Variants in PPHLN1 observed in about 807,000 individuals in gnomAD.
The protein encoded by PPHLN1 is periphilin-1.
PPHLN1 carries 29 observed loss-of-function variants against 51.3 expected under a neutral mutation model. That is an observed-to-expected ratio of 0.57 (90% CI 0.42 to 0.77). The LOEUF (loss-of-function observed/expected upper bound fraction) is 0.77, where lower values mean the gene tolerates loss of function less well. Ranked by LOEUF, PPHLN1 falls within the 30% of genes least tolerant of loss-of-function variation. The pLI is 0.00. For synonymous variants in PPHLN1, 147 were observed against 147.8 expected (o/e 0.99, Z 0.04); for missense variants, 436 against 438.4 (o/e 0.99, Z 0.05).
intron 9 of PPHLN1, among the ~76,000 whole-genome samples, chr12:42,434,789 G>T (rs1267258005): frequency 6.6e-6 from 1 of 152,212 alleles, no homozygotes; most frequent in African/African-American, 2.4e-5. Context: ...GGTCTCCCGG[G>T]TTGAAGCAAT....
intron 6 of PPHLN1, among the ~76,000 whole-genome samples, chr12:42,385,334 C>T (rs753474231): frequency 3.3e-5 from 5 of 152,100 alleles, no homozygotes; most frequent in Non-Finnish European, 5.9e-5. Context: ...TTTCTTTATC[C>T]TTTGCTGCTT....
chr12:42,394,957 T>C (rs2078065782), intron 8 of PPHLN1, among the ~76,000 whole-genome samples: 1 of 152,132 alleles, frequency 6.6e-6, no homozygotes, highest in Non-Finnish European at 1.5e-5. Context: ...TTCTTAATAC[T>C]TCATCTCCAA....
At chr12:42,391,969 C>T (rs1009923575) in intron 7 of PPHLN1, among the ~76,000 whole-genome samples, 1 of 152,152 alleles carries the variant, frequency 6.6e-6, no homozygotes, top group African/African-American at 2.4e-5. Context: ...GTAATCTCAG[C>T]ACTTTGGGAG....
intron 4 of PPHLN1, among the ~76,000 whole-genome samples, chr12:42,363,404 T>C (rs892094979): frequency 6.6e-5 from 10 of 151,994 alleles, no homozygotes; most frequent in Non-Finnish European, 1.2e-4. Flanking sequence ...CACACCATCT[T>C]CCACAGGCCT....
chr12:42,387,442 G>C lies in PPHLN1; in HGVS notation c.569-14G>C, dbSNP rs371547714. The C allele has an allele frequency of 6.3e-7, 1 of 1,574,854 alleles. No homozygotes were observed. Among genetic ancestry groups the C allele is most frequent in the Non-Finnish European group, 8.6e-7 (1 of 1,165,568 alleles). The stretch of plus-strand genomic sequence containing the variant: ...AGCTAGAAAAAAAATTACATCTTAT[G>C]TTTTCTTATATAGATAAAGAGAGGC... On this transcript the variant is annotated splice_polypyrimidine_tract_variant and intron_variant, in intron 6 of 9. Transcript: ENST00000358314.
chr12:42,388,643 C>CT (rs1175927480), intron 7 of PPHLN1, among the ~76,000 whole-genome samples: 1 of 152,154 alleles, frequency 6.6e-6, no homozygotes, highest in Non-Finnish European at 1.5e-5. Context: ...TGTCTTATTT[C>CT]TTTTCTCAGT....
chr12:42,444,257 T>C (rs755665810), downstream of PPHLN1: 2 of 151,748 alleles, frequency 1.3e-5, no homozygotes, highest in Admixed American at 6.6e-5. Flanking sequence ...TAAATAATTA[T>C]CAAAAATTGC....
At chr12:42,416,068 C>T (rs2080354929) in intron 9 of PPHLN1, among the ~76,000 whole-genome samples, 1 of 152,048 alleles carries the variant, frequency 6.6e-6, no homozygotes, top group Non-Finnish European at 1.5e-5. Context: ...AGGTGAATGA[C>T]GTGCATGCAA....
intron 9 of PPHLN1, among the ~76,000 whole-genome samples, chr12:42,439,618 A>G (rs775075731): frequency 6.6e-6 from 1 of 152,154 alleles, no homozygotes; most frequent in Non-Finnish European, 1.5e-5. Context: ...AGGTTCAGCT[A>G]TTCTCCTGCC....
intron 9 of PPHLN1, among the ~76,000 whole-genome samples, chr12:42,412,965 G>A (rs1031167815): frequency 1.3e-5 from 2 of 152,132 alleles, no homozygotes; most frequent in African/African-American, 2.4e-5. Flanking sequence ...CTTTTGAGGA[G>A]ATGATTATTA....
At chr12:42,420,388 G>T (rs2080880819) in intron 9 of PPHLN1, among the ~76,000 whole-genome samples, 1 of 151,390 alleles carries the variant, frequency 6.6e-6, no homozygotes, top group Admixed American at 6.6e-5. Flanking sequence ...CTCTTTGTGT[G>T]TGTGTGTTTG....
intron 9 of PPHLN1, among the ~76,000 whole-genome samples, chr12:42,435,454 A>G (rs1256309564): frequency 3.9e-5 from 6 of 152,190 alleles, no homozygotes; most frequent in Admixed American, 3.9e-4. Flanking sequence ...GACTCAAAAG[A>G]TATCTTTTTC....
At chr12:42,432,606 C>T (rs748941749) in intron 9 of PPHLN1, among the ~76,000 whole-genome samples, 3 of 152,242 alleles carry the variant, frequency 2.0e-5, no homozygotes, top group Middle Eastern at 6.8e-3. Context: ...TCCAAGAAAC[C>T]TCTAGCCTTT....
At chr12:42,430,995 A>G (rs2081990499) in intron 9 of PPHLN1, among the ~76,000 whole-genome samples, 1 of 152,266 alleles carries the variant, frequency 6.6e-6, no homozygotes, top group Non-Finnish European at 1.5e-5. Flanking sequence ...CTGAATGGAC[A>G]TGACTAATTC....
Position 42,371,120 on chromosome 12 carries a change from T to G in PPHLN1, c.300-3743T>G, listed in dbSNP as rs1041919153. 4.2e-3 allele frequency among the ~76,000 whole-genome samples: 566 copies of G among 135,598 alleles called. 3 individuals are homozygous for G. The highest frequency in any genetic ancestry group is 7.1e-3 in the Non-Finnish European group (445 of 63,076). 89.0% of individuals were successfully genotyped at this position (135,598 alleles called of 152,430 possible). On this transcript the variant is annotated intron_variant, in intron 4 of 9. Transcript: ENST00000358314. Reference sequence around the variant, plus strand: ...CCTCGCCCAGCCTGGTGTTTTTTTTTTTTTTTTTTTTTTTTTTTGAGACAG... The same window carrying G: ...CCTCGCCCAGCCTGGTGTTTTTTTTGTTTTTTTTTTTTTTTTTTGAGACAG...
chr12:42,430,568 C>G (rs2081955485), intron 9 of PPHLN1, among the ~76,000 whole-genome samples: 1 of 151,890 alleles, frequency 6.6e-6, no homozygotes, highest in Non-Finnish European at 1.5e-5. Flanking sequence ...GTGATCTTGG[C>G]TCACTGCAAC....
At position 42,343,349 on chromosome 12, in the gene PPHLN1, A is replaced by T. The variant is rs549825058; in HGVS notation, c.72+7375A>T. ...TTTTCCCATGTAAGTACAACTTCCC[A>T]ATATTTTATTATGGAATTTTTCAAA... On this transcript the variant is annotated intron_variant, in intron 2 of 9. Coordinates refer to ENST00000358314, the MANE Select transcript of PPHLN1 (RefSeq NM_201439.2). Among the ~76,000 whole-genome samples, 3 of 152,272 alleles carry T rather than the reference A, an allele frequency of 2.0e-5. No individual in the cohort carries two copies. In the South Asian group the frequency reaches 6.2e-4, roughly 32 times the overall value.
intron 9 of PPHLN1, among the ~76,000 whole-genome samples, chr12:42,418,294 A>G (rs1402793200): frequency 6.7e-6 from 1 of 149,874 alleles, no homozygotes; most frequent in African/African-American, 2.5e-5. Flanking sequence ...AGGAATGAAC[A>G]ATACTATTTT....
chr12:42,379,733 A>G (rs187480119), intron 5 of PPHLN1, among the ~76,000 whole-genome samples: 4 of 152,174 alleles, frequency 2.6e-5, no homozygotes, highest in Non-Finnish European at 5.9e-5. Flanking sequence ...AACTAGAAAT[A>G]CTACATTTTA....
Sources: allele counts gnomAD v4.1 joint callset (sites outside exome capture counted in the v4.1 genomes callset), GRCh38; gene constraint gnomAD v4.1.1; transcripts MANE v1.5; gene names NCBI Gene and HGNC (gene_info 2026-07-23, HGNC 2026-07-21).